Variants in MAD1L1 observed in about 807,000 individuals in gnomAD.
MAD1L1 encodes the protein mitotic arrest deficient 1 like 1, also known as mitotic spindle assembly checkpoint protein MAD1.
MAD1L1 carries 95 observed loss-of-function variants against 96.9 expected under a neutral mutation model. The ratio of observed to expected loss-of-function variants is 0.98; its 90% CI spans 0.83 to 1.16. The LOEUF is 1.16. Ranked by LOEUF, MAD1L1 falls within the 50% of genes most tolerant of loss-of-function variation. MAD1L1 has a pLI of 0.00. For missense variants in MAD1L1, 1,007 were observed against 954.4 expected (o/e 1.06, Z -0.73); for synonymous variants, 473 against 396.6 (o/e 1.19, Z -2.29).
intron 17 of MAD1L1, among the ~76,000 whole-genome samples, chr7:1,918,544 G>GC (rs1046519054): frequency 3.9e-5 from 6 of 152,234 alleles, no homozygotes; most frequent in Non-Finnish European, 5.9e-5. Context: ...TTTGCAGGCA[G>GC]CCAGGCGGGT....
intron 18 of MAD1L1, among the ~76,000 whole-genome samples, chr7:1,844,925 T>G (rs1783507615): frequency 1.3e-5 from 2 of 152,174 alleles, no homozygotes; most frequent in African/African-American, 4.8e-5. Context: ...ATGCTGCTGG[T>G]CAGTGAGTGG....
intron 3 of MAD1L1, 26 bp from the exon 4 acceptor site, chr7:2,225,576 A>T: frequency 6.2e-7 from 1 of 1,610,198 alleles, no homozygotes; most frequent in Non-Finnish European, 8.5e-7. Context: ...CCAAAGAAAA[A>T]CAGAATCCTC....
intron 16 of MAD1L1, among the ~76,000 whole-genome samples, chr7:1,939,305 GCA>G (rs1164836265): frequency 7.6e-5 from 11 of 145,242 alleles, no homozygotes; most frequent in African/African-American, 2.8e-4. Context: ...AGCGGTGCAC[GCA>G]CACACATACA....
chr7:1,989,419 A>G (rs1004113447), intron 14 of MAD1L1, among the ~76,000 whole-genome samples: 1 of 152,256 alleles, frequency 6.6e-6, no homozygotes, highest in African/African-American at 2.4e-5. Flanking sequence ...TGTTTGACTG[A>G]GATGAAGCAA....
chr7:2,097,221 A>ACACCC (rs1562683646), intron 11 of MAD1L1, among the ~76,000 whole-genome samples: 1 of 149,964 alleles, frequency 6.7e-6, no homozygotes, highest in Non-Finnish European at 1.5e-5. Context: ...TGGCTCTGCC[A>ACACCC]CACCCCACCC....
intron 15 of MAD1L1, among the ~76,000 whole-genome samples, chr7:1,972,453 C>G (rs1361453182): frequency 2.0e-5 from 3 of 152,154 alleles, no homozygotes; most frequent in South Asian, 2.1e-4. Context: ...AGGAGTGAGT[C>G]CGCTGCTTCA....
intron 17 of MAD1L1, among the ~76,000 whole-genome samples, chr7:1,917,102 G>A (rs1425570645): frequency 3.9e-5 from 6 of 152,176 alleles, no homozygotes; most frequent in Non-Finnish European, 7.4e-5. Context: ...TACCCTCCCT[G>A]GACCAGGCAC....
At chr7:2,171,789 G>C (rs1194116969) in intron 10 of MAD1L1, among the ~76,000 whole-genome samples, 1 of 152,256 alleles carries the variant, frequency 6.6e-6, no homozygotes, top group Admixed American at 6.5e-5. Context: ...AGCAGTTGGA[G>C]GGTGGAGCTG....
chr7:2,156,185 T>C (rs577374394), intron 10 of MAD1L1, among the ~76,000 whole-genome samples: 118 of 144,206 alleles, frequency 8.2e-4, no homozygotes, highest in South Asian at 6.6e-3. Context: ...TCACGGCGCG[T>C]GTGGCGAGGG....
At chr7:1,921,526 T>A (rs1008680455) in intron 17 of MAD1L1, among the ~76,000 whole-genome samples, 3 of 152,186 alleles carry the variant, frequency 2.0e-5, no homozygotes, top group Non-Finnish European at 4.4e-5. Context: ...TTTCACCTTG[T>A]TGGCCAGGCT....
intron 12 of MAD1L1, among the ~76,000 whole-genome samples, chr7:2,051,805 C>A (rs973181928): frequency 1.1e-4 from 16 of 151,278 alleles, no homozygotes; most frequent in African/African-American, 3.9e-4. Context: ...TGTCCACCCC[C>A]CAACCCCATC....
intron 12 of MAD1L1, among the ~76,000 whole-genome samples, chr7:2,046,510 T>TGAAAACTTTGGAA (rs1783926490): frequency 6.8e-6 from 1 of 147,690 alleles, no homozygotes; most frequent in South Asian, 2.1e-4. Context: ...CTACAAGAGG[T>TGAAAACTTTGGAA]GAAAACTTTG....
At chr7:1,909,559 G>A (rs1375819837) in intron 17 of MAD1L1, among the ~76,000 whole-genome samples, 2 of 152,140 alleles carry the variant, frequency 1.3e-5, no homozygotes, top group African/African-American at 4.8e-5. Flanking sequence ...TAGGCTGGCC[G>A]GGACCCCCCG....
Position 2,154,322 on chromosome 7 carries a change from T to C in MAD1L1, c.987-5084A>G, listed in dbSNP as rs553215385. Among the ~76,000 whole-genome samples the C allele has an allele frequency of 5.3e-5, 8 of 152,162 alleles. No homozygotes were observed. In the East Asian group the frequency reaches 1.5e-3, roughly 29 times the overall value. ...CAGAGAGTAGAATGACAGGAACTAGTGGATTGAAAGGTCTGGGTGAGCGGA... is the reference window on the plus strand; with the variant it reads ...CAGAGAGTAGAATGACAGGAACTAGCGGATTGAAAGGTCTGGGTGAGCGGA... On this transcript the variant is annotated intron_variant, in intron 10 of 18. Coordinates refer to ENST00000265854, the MANE Select transcript of MAD1L1 (RefSeq NM_001013836.2).
chr7:1,963,972 G>C (rs1056111827), intron 15 of MAD1L1, among the ~76,000 whole-genome samples: 5 of 152,242 alleles, frequency 3.3e-5, no homozygotes, highest in Non-Finnish European at 7.3e-5. Flanking sequence ...CGCAAGTGCT[G>C]TGGCTTTACA....
At chr7:1,988,730 G>C (rs1781272910) in intron 14 of MAD1L1, among the ~76,000 whole-genome samples, 1 of 152,206 alleles carries the variant, frequency 6.6e-6, no homozygotes, top group Admixed American at 6.5e-5. Context: ...GCAAAAGCCT[G>C]GAGGACAGGA....
chr7:2,006,884 A>C (rs1782056508), intron 13 of MAD1L1, among the ~76,000 whole-genome samples: 1 of 152,122 alleles, frequency 6.6e-6, no homozygotes, highest in African/African-American at 2.4e-5. Flanking sequence ...CAGCACAGAC[A>C]CACCCCCCAC....
intron 18 of MAD1L1, among the ~76,000 whole-genome samples, chr7:1,861,945 G>A (rs1268662833): frequency 1.3e-5 from 2 of 152,126 alleles, no homozygotes; most frequent in East Asian, 3.9e-4. Context: ...CAGCCCAGGA[G>A]CTGCTGGGAA....
chr7:2,131,489 G>C (rs1788507694), intron 11 of MAD1L1, among the ~76,000 whole-genome samples: 1 of 152,226 alleles, frequency 6.6e-6, no homozygotes, highest in Admixed American at 6.5e-5. Flanking sequence ...ACAGGAAAAG[G>C]AATTTAACCA....
Sources: gnomAD v4.1 joint callset for allele counts (sites outside exome capture counted in the v4.1 genomes callset) on GRCh38, gnomAD v4.1.1 for gene constraint, MANE v1.5 for transcripts, NCBI Gene and HGNC (gene_info 2026-07-23, HGNC 2026-07-21) for gene names.